The following GABRA4 variants were observed in gnomAD, a reference collection of about 807,000 sequenced individuals.
The protein encoded by GABRA4 is gamma-aminobutyric acid receptor subunit alpha-4.
A neutral mutation model predicts 49.7 loss-of-function variants in GABRA4; 12 were observed. That is an observed-to-expected ratio of 0.24 (90% CI 0.15 to 0.39). The LOEUF (loss-of-function observed/expected upper bound fraction) is 0.39, where lower values mean the gene tolerates loss of function less well. Ranked by LOEUF, GABRA4 falls within the 10% of genes least tolerant of loss-of-function variation. The pLI, the probability that GABRA4 is intolerant of heterozygous loss-of-function variation, is 1.00. For synonymous variants in GABRA4, 288 were observed against 240.2 expected (o/e 1.20, Z -1.84); for missense variants, 506 against 686.0 (o/e 0.74, Z 2.93).
chr4:46,983,497 A>G (rs1242830398), intron 2 of GABRA4, among the ~76,000 whole-genome samples: 1 of 152,010 alleles, frequency 6.6e-6, no homozygotes, highest in Non-Finnish European at 1.5e-5. Flanking sequence ...TGATTTAAAA[A>G]CCCATCAAAA....
intron 5 of GABRA4, among the ~76,000 whole-genome samples, chr4:46,974,804 C>T (rs1454596128): frequency 6.6e-6 from 1 of 151,880 alleles, no homozygotes; most frequent in Non-Finnish European, 1.5e-5. Flanking sequence ...TTTAGAAATG[C>T]TGCCTGTAAT....
chr4:46,954,245 C>A (rs1435614884), intron 8 of GABRA4, among the ~76,000 whole-genome samples: 1 of 152,024 alleles, frequency 6.6e-6, no homozygotes, highest in African/African-American at 2.4e-5. Context: ...CTTCATACAT[C>A]ATTTGTACTA....
At chr4:46,973,778 T>C (rs1461039083) in intron 6 of GABRA4, among the ~76,000 whole-genome samples, 1 of 151,808 alleles carries the variant, frequency 6.6e-6, no homozygotes, top group African/African-American at 2.4e-5. Context: ...ATACCCATAA[T>C]ATACTTTGTA....
At chr4:46,930,220 T>C (rs750940699) in intron 8 of GABRA4, among the ~76,000 whole-genome samples, 1 of 152,056 alleles carries the variant, frequency 6.6e-6, no homozygotes, top group Non-Finnish European at 1.5e-5. Flanking sequence ...GCCTAACATA[T>C]GGCACTGAAT....
intron 8 of GABRA4, among the ~76,000 whole-genome samples, chr4:46,940,543 C>G (rs553084527): frequency 1.3e-5 from 2 of 152,022 alleles, no homozygotes; most frequent in African/African-American, 2.4e-5. Context: ...TCAGTCCTCT[C>G]CCCCCTAGTC....
At chr4:46,963,375 C>T (rs1722645954) in intron 8 of GABRA4, among the ~76,000 whole-genome samples, 3 of 151,732 alleles carry the variant, frequency 2.0e-5, no homozygotes, top group African/African-American at 7.3e-5. Flanking sequence ...GTAGGAGGGA[C>T]CCAGGGGGAA....
intron 8 of GABRA4, among the ~76,000 whole-genome samples, chr4:46,941,469 T>C (rs1428923653): frequency 6.6e-6 from 1 of 152,120 alleles, no homozygotes; most frequent in Non-Finnish European, 1.5e-5. Context: ...CATAAAGTGC[T>C]TAACACATTG....
intron 6 of GABRA4, among the ~76,000 whole-genome samples, chr4:46,973,292 A>G (rs1723015164): frequency 6.6e-6 from 1 of 151,766 alleles, no homozygotes; most frequent in Non-Finnish European, 1.5e-5. Context: ...TGTTTAAACC[A>G]TGATGGTGGA....
rs1443168342 is a variant in GABRA4, at chr4:46,921,129, ATTTC to A, written c.*7092_*7095del. On this transcript the variant is annotated 3_prime_UTR_variant, in exon 9 of 9. Coordinates refer to ENST00000264318, the MANE Select transcript of GABRA4 (RefSeq NM_000809.4). ...AATTTCTTTTATATTACGCATGGGT[ATTTC>A]TTTTTTTTTTTAACGGAAGTAATTA... is the stretch of plus-strand genomic sequence containing the variant. 3 of 151,256 alleles carry A rather than the reference ATTTC, an allele frequency of 2.0e-5. No homozygotes were observed. Among genetic ancestry groups the A allele is most frequent in the Non-Finnish European group, 3.0e-5 (2 of 67,678 alleles). The allele number at this position is 151,256 out of a possible 1,614,324, so 9.4% of individuals were successfully genotyped here. A position where few individuals can be genotyped will look rare whatever the true frequency, so the allele number is the denominator to read the frequency against.
chr4:46,919,226 A>T lies in GABRA4; in HGVS notation c.*8999T>A, dbSNP rs911544566. On this transcript the variant is annotated 3_prime_UTR_variant, in exon 9 of 9. Transcript: ENST00000264318. ...ATTTACTTAAAGGGACAGTGTTTAA[A>T]AAATCATTTCCTGATGAATTACTTT... 4 of 151,616 alleles carry T rather than the reference A, an allele frequency of 2.6e-5. No homozygotes were observed. The highest frequency in any genetic ancestry group is 5.9e-5 in the Non-Finnish European group (4 of 67,574). 9.4% of individuals were successfully genotyped at this position (151,616 alleles called of 1,614,324 possible). A position where few individuals can be genotyped will look rare whatever the true frequency, so the allele number is the denominator to read the frequency against.
At chr4:46,952,533 A>G (rs1722207335) in intron 8 of GABRA4, among the ~76,000 whole-genome samples, 1 of 152,096 alleles carries the variant, frequency 6.6e-6, no homozygotes, top group African/African-American at 2.4e-5. Context: ...TCATACCCAA[A>G]CTGATGTTTC....
intron 2 of GABRA4, among the ~76,000 whole-genome samples, chr4:46,989,522 A>G (rs1425500174): frequency 6.6e-6 from 1 of 152,164 alleles, no homozygotes; most frequent in East Asian, 1.9e-4. Context: ...AATGTAGGAG[A>G]CAAGGGAGAG....
chr4:46,990,449 T>C (rs1723704011), intron 2 of GABRA4, among the ~76,000 whole-genome samples: 2 of 152,180 alleles, frequency 1.3e-5, no homozygotes, highest in African/African-American at 2.4e-5. Context: ...CCTTTTGAAT[T>C]ACAGCTTGCA....
At chr4:46,932,662 A>G (rs1487322349) in intron 8 of GABRA4, among the ~76,000 whole-genome samples, 2 of 152,160 alleles carry the variant, frequency 1.3e-5, no homozygotes, top group Admixed American at 1.3e-4. Flanking sequence ...TAACATATTC[A>G]ATTATGGATT....
intron 2 of GABRA4, among the ~76,000 whole-genome samples, chr4:46,982,954 C>A (rs1015928815): frequency 1.3e-5 from 2 of 151,792 alleles, no homozygotes; most frequent in Non-Finnish European, 2.9e-5. Flanking sequence ...GAACAATAAG[C>A]GAAGATACAA....
At chr4:46,971,876 T>A (rs1332113339) in intron 6 of GABRA4, among the ~76,000 whole-genome samples, 1 of 151,428 alleles carries the variant, frequency 6.6e-6, no homozygotes, top group African/African-American at 2.4e-5. Flanking sequence ...ACCCCTGAGT[T>A]CAAGCATGTT....
chr4:46,942,485 C>T (rs1003707673), intron 8 of GABRA4, among the ~76,000 whole-genome samples: 12 of 151,968 alleles, frequency 7.9e-5, no homozygotes, highest in African/African-American at 2.9e-4. Flanking sequence ...ATTAGCCAGA[C>T]GTGGTGGTGC....
chr4:46,923,654 A>T lies in GABRA4; in HGVS notation c.*4571T>A, dbSNP rs144756720. On this transcript the variant is annotated 3_prime_UTR_variant, in exon 9 of 9. Coordinates refer to ENST00000264318, the MANE Select transcript of GABRA4 (RefSeq NM_000809.4). Reference sequence around the variant, plus strand: ...AATAAGAGATCTCAACTGTTCCACTACCTCTAGATTTGTGGCCCTCCAAAC... The same window carrying T: ...AATAAGAGATCTCAACTGTTCCACTTCCTCTAGATTTGTGGCCCTCCAAAC... 6.6e-6 allele frequency: 1 copy of T among 152,248 alleles called. No individual in the cohort carries two copies. The highest frequency in any genetic ancestry group is 1.5e-5 in the Non-Finnish European group (1 of 68,016). 9.4% of individuals were successfully genotyped at this position (152,248 alleles called of 1,614,324 possible). A position where few individuals can be genotyped will look rare whatever the true frequency, so the allele number is the denominator to read the frequency against.
chr4:46,991,721 A>ACTCATTACTTATCTTTCTAAGC (rs1553907067), intron 2 of GABRA4, among the ~76,000 whole-genome samples: 6 of 151,798 alleles, frequency 4.0e-5, no homozygotes, highest in African/African-American at 1.5e-4. Flanking sequence ...TGGAACTTGG[A>ACTCATTACTTATCTTTCTAAGC]CTCAATTTCC....
Sources: allele counts gnomAD v4.1 joint callset (sites outside exome capture counted in the v4.1 genomes callset), GRCh38; gene constraint gnomAD v4.1.1; transcripts MANE v1.5; gene names NCBI Gene and HGNC (gene_info 2026-07-23, HGNC 2026-07-21).